The following WWOX variants were observed in gnomAD, a reference collection of about 807,000 sequenced individuals.
WWOX encodes WW domain-containing oxidoreductase.
A neutral mutation model predicts 46.2 loss-of-function variants in WWOX; 69 were observed. The observed-to-expected ratio is 1.49, with a 90% confidence interval of 1.23 to 1.82. The LOEUF is 1.82. Among genes scored for constraint, WWOX ranks in the 40% most tolerant of loss-of-function variants. The probability of loss-of-function intolerance (pLI) is 0.00; values close to 1 mark genes in which losing one functional copy is unlikely to be tolerated. For missense variants in WWOX, 919 were observed against 542.6 expected (o/e 1.69, Z -6.89); for synonymous variants, 359 against 202.6 (o/e 1.77, Z -6.56).
intron 8 of WWOX, among the ~76,000 whole-genome samples, chr16:78,506,165 G>C (rs1023647334): frequency 6.6e-6 from 1 of 152,228 alleles, no homozygotes; most frequent in African/African-American, 2.4e-5. Context: ...GACGTGAAAA[G>C]ACTGCACCAG....
intron 8 of WWOX, among the ~76,000 whole-genome samples, chr16:78,607,516 A>G (rs971321229): frequency 6.6e-6 from 1 of 152,214 alleles, no homozygotes; most frequent in African/African-American, 2.4e-5. Context: ...TAATTTAGCA[A>G]AGTCTTACAC....
At chr16:78,247,603 A>C (rs2037852281) in intron 5 of WWOX, among the ~76,000 whole-genome samples, 1 of 152,122 alleles carries the variant, frequency 6.6e-6, no homozygotes, top group African/African-American at 2.4e-5. Flanking sequence ...CTAGTTCTGC[A>C]ATTTCCCAAC....
At chr16:78,152,194 GA>G (rs11421726) in intron 4 of WWOX, among the ~76,000 whole-genome samples, 7,903 of 144,584 alleles carry the variant, frequency 0.055, 394 homozygotes, top group East Asian at 0.29. Flanking sequence ...CGTCTCAAGA[GA>G]AAAAAAAAAA....
chr16:78,510,267 G>C (rs553220066), intron 8 of WWOX, among the ~76,000 whole-genome samples: 1 of 151,966 alleles, frequency 6.6e-6, no homozygotes, highest in Non-Finnish European at 1.5e-5. Flanking sequence ...TAGAGGTGGC[G>C]CGATCTCCAC....
At chr16:79,104,899 C>G (rs1402939747) in intron 8 of WWOX, among the ~76,000 whole-genome samples, 2 of 152,212 alleles carry the variant, frequency 1.3e-5, no homozygotes, top group African/African-American at 4.8e-5. Flanking sequence ...AAGGCCCCAT[C>G]ATAGACTCTG....
chr16:78,734,841 CTTTTTTTTTTTTTTTTTTTT>C (rs60560119), intron 8 of WWOX, among the ~76,000 whole-genome samples: 189 of 40,110 alleles, frequency 4.7e-3, no homozygotes, highest in South Asian at 8.7e-3. Flanking sequence ...GACTTCAGTC[CTTTTTTTTTTTTTTTTTTTT>C]TTTTTTTTTT....
At chr16:79,107,484 G>C (rs999575295) in intron 8 of WWOX, among the ~76,000 whole-genome samples, 4 of 152,206 alleles carry the variant, frequency 2.6e-5, no homozygotes, top group Non-Finnish European at 4.4e-5. Context: ...AATCTACTCA[G>C]GGTCTGTTGG....
chr16:79,027,037 T>C (rs555275063), intron 8 of WWOX, among the ~76,000 whole-genome samples: 1 of 151,508 alleles, frequency 6.6e-6, no homozygotes, highest in African/African-American at 2.4e-5. Context: ...CCCAGCACTT[T>C]GGGAGGTCAA....
intron 8 of WWOX, among the ~76,000 whole-genome samples, chr16:78,931,599 A>T (rs765069085): frequency 6.6e-6 from 1 of 152,246 alleles, no homozygotes; most frequent in African/African-American, 2.4e-5. Context: ...AGTCTAATAG[A>T]GGAGGCACAT....
intron 6 of WWOX, among the ~76,000 whole-genome samples, chr16:78,420,697 T>A (rs374534373): frequency 6.6e-6 from 1 of 151,168 alleles, no homozygotes; most frequent in African/African-American, 2.4e-5. Context: ...AAAATTAGAA[T>A]GTAGTTATGG....
intron 5 of WWOX, among the ~76,000 whole-genome samples, chr16:78,305,708 C>T (rs1055113200): frequency 6.6e-6 from 1 of 152,112 alleles, no homozygotes; most frequent in African/African-American, 2.4e-5. Context: ...CCACCCACCA[C>T]TTGGGTACCA....
At chr16:78,803,500 G>A (rs1447373793) in intron 8 of WWOX, among the ~76,000 whole-genome samples, 2 of 152,154 alleles carry the variant, frequency 1.3e-5, no homozygotes, top group Admixed American at 1.3e-4. Flanking sequence ...ATGCTGGAGT[G>A]CAGTGGTGCG....
intron 8 of WWOX, among the ~76,000 whole-genome samples, chr16:78,531,527 A>C (rs1597221140): frequency 6.6e-6 from 1 of 152,058 alleles, no homozygotes; most frequent in Non-Finnish European, 1.5e-5. Context: ...TACATGTATG[A>C]AGTTGGATAG....
intron 8 of WWOX, among the ~76,000 whole-genome samples, chr16:79,177,711 C>T (rs1279489585): frequency 1.3e-5 from 2 of 152,128 alleles, no homozygotes; most frequent in African/African-American, 2.4e-5. Flanking sequence ...TCAGTAGTCC[C>T]AGCCTTACTT....
intron 6 of WWOX, among the ~76,000 whole-genome samples, chr16:78,396,078 T>G (rs2082278709): frequency 1.3e-5 from 2 of 152,192 alleles, no homozygotes; most frequent in Admixed American, 1.3e-4. Context: ...TGCCCTCACC[T>G]CATCATTTAT....
intron 8 of WWOX, among the ~76,000 whole-genome samples, chr16:78,758,016 C>T (rs1159684839): frequency 6.6e-6 from 1 of 152,076 alleles, no homozygotes; most frequent in African/African-American, 2.4e-5. Context: ...CTTTTTCAAA[C>T]TTCTGTCAAT....
chr16:78,257,948 G>C (rs555336130), intron 5 of WWOX, among the ~76,000 whole-genome samples: 1 of 151,746 alleles, frequency 6.6e-6, no homozygotes, highest in East Asian at 1.9e-4. Context: ...AAAAATCAGA[G>C]ACTATATATA....
intron 8 of WWOX, among the ~76,000 whole-genome samples, chr16:78,875,852 G>C (rs1470358516): frequency 1.3e-4 from 20 of 152,222 alleles, no homozygotes; most frequent in Admixed American, 1.3e-3. Context: ...TTTTTTAAAA[G>C]AATGTTTCTT....
chr16:78,656,015 C>A (rs57181299), intron 8 of WWOX, among the ~76,000 whole-genome samples: 6 of 152,088 alleles, frequency 3.9e-5, no homozygotes, highest in Non-Finnish European at 5.9e-5. Context: ...TGAGTGAGGT[C>A]TAGGGTGAAT....
Sources: allele counts gnomAD v4.1 joint callset (sites outside exome capture counted in the v4.1 genomes callset), GRCh38; gene constraint gnomAD v4.1.1; transcripts MANE v1.5; gene names NCBI Gene and HGNC (gene_info 2026-07-23, HGNC 2026-07-21).